The following SPSB4 variants were observed in gnomAD, a reference collection of about 807,000 sequenced individuals.
SPSB4 encodes the protein SPRY domain-containing SOCS box protein 4.
A neutral mutation model predicts 20.9 loss-of-function variants in SPSB4; 21 were observed. The observed-to-expected ratio is 1.01, with a 90% CI of 0.71 to 1.45. SPSB4 has a LOEUF of 1.45. Ranked by LOEUF, SPSB4 falls within the 40% of genes most tolerant of loss-of-function variation. SPSB4 has a pLI of 0.00. For synonymous variants in SPSB4, 207 were observed against 183.8 expected, an observed-to-expected ratio of 1.13 and a Z score of -1.02; for missense variants, 399 against 399.2, an observed-to-expected ratio of 1.00 and a Z score of 0.00.
rs1275565584 is a variant in SPSB4, at chr3:141,051,498, G to C, written c.-648G>C. The C allele has an allele frequency of 6.5e-6, 1 of 152,960 alleles. No individual in the cohort carries two copies. Among genetic ancestry groups the C allele is most frequent in the African/African-American group, 2.4e-5 (1 of 41,356 alleles). The allele number at this position is 152,960 out of a possible 1,614,324, so 9.5% of individuals were successfully genotyped here. On this transcript the variant is annotated 5_prime_UTR_variant, in exon 1 of 3. Coordinates refer to ENST00000310546, the MANE Select transcript of SPSB4 (RefSeq NM_080862.3). ...CGCACAAAAGCACCCAGCCCCAGGG[G>C]AGGGCGATGAACACACCACATCCCG...
intron 2 of SPSB4, among the ~76,000 whole-genome samples, chr3:141,137,889 G>T (rs1000838700): frequency 6.6e-6 from 1 of 152,074 alleles, no homozygotes; most frequent in Non-Finnish European, 1.5e-5. Context: ...CTATTGATTG[G>T]AATAGTTTCA....
intron 2 of SPSB4, among the ~76,000 whole-genome samples, chr3:141,093,360 T>C (rs1050179169): frequency 6.6e-6 from 1 of 151,522 alleles, no homozygotes; most frequent in Non-Finnish European, 1.5e-5. Context: ...ATCTGCAGAG[T>C]AGACCTTAGT....
At position 141,066,327 on chromosome 3, in the gene SPSB4, T is replaced by C; in HGVS notation, c.223T>C (p.Phe75Leu). The C allele has an allele frequency of 6.4e-7, 1 of 1,570,392 alleles. No homozygotes were observed. The highest frequency in any genetic ancestry group is 8.6e-7 in the Non-Finnish European group (1 of 1,159,774). Residue 75 changes from phenylalanine to leucine, a missense_variant, in exon 2 of 3, where the codon TTC becomes CTC. By Grantham distance (22) the Phe-to-Leu change is conservative. Coordinates refer to ENST00000310546, the MANE Select transcript of SPSB4 (RefSeq NM_080862.3). ...CGTCAAGGACGACGACCGGCTCACC[T>C]TCCACCGGCACCCCGTGGCCCAGAG... is the stretch of plus-strand genomic sequence containing the variant. ...VFVKDDDRLT[F>L]HRHPVAQSTD...
intron 2 of SPSB4, among the ~76,000 whole-genome samples, chr3:141,131,862 T>G (rs900662891): frequency 2.6e-5 from 4 of 152,202 alleles, no homozygotes; most frequent in African/African-American, 7.2e-5. Context: ...GATTCAGCAG[T>G]TTTAGTCAAT....
chr3:141,128,151 G>GT (rs1490890728), intron 2 of SPSB4, among the ~76,000 whole-genome samples: 1 of 152,194 alleles, frequency 6.6e-6, no homozygotes, highest in African/African-American at 2.4e-5. Context: ...GTGGAGTGTG[G>GT]TAAGTCATTG....
At chr3:141,104,287 G>A (rs1938654844) in intron 2 of SPSB4, among the ~76,000 whole-genome samples, 1 of 152,186 alleles carries the variant, frequency 6.6e-6, no homozygotes. Flanking sequence ...AGTGGCAGGA[G>A]CAAAGGCAAG....
chr3:141,123,838 G>A (rs1939009782), intron 2 of SPSB4, among the ~76,000 whole-genome samples: 1 of 152,190 alleles, frequency 6.6e-6, no homozygotes. Flanking sequence ...CTCTCCCCAT[G>A]TGACAAGGGC....
intron 2 of SPSB4, among the ~76,000 whole-genome samples, chr3:141,129,179 G>A (rs1939096660): frequency 2.0e-5 from 3 of 152,196 alleles, no homozygotes; most frequent in African/African-American, 7.2e-5. Context: ...AAGTGGAGGT[G>A]TCTTTCCCAC....
At chr3:141,128,539 C>A (rs1243506400) in intron 2 of SPSB4, among the ~76,000 whole-genome samples, 1 of 152,110 alleles carries the variant, frequency 6.6e-6, no homozygotes, top group African/African-American at 2.4e-5. Context: ...GGGCCCTGCC[C>A]TGCCTCCAGG....
chr3:141,142,353 A>T (rs1251892617), intron 2 of SPSB4, among the ~76,000 whole-genome samples: 1 of 152,174 alleles, frequency 6.6e-6, no homozygotes, highest in Non-Finnish European at 1.5e-5. Flanking sequence ...TATAGTTTTG[A>T]TGGTTCCTTT....
At chr3:141,120,392 G>A (rs1938948471) in intron 2 of SPSB4, among the ~76,000 whole-genome samples, 1 of 152,210 alleles carries the variant, frequency 6.6e-6, no homozygotes, top group South Asian at 2.1e-4. Context: ...TGTTTATTCT[G>A]TTGATTTGGG....
intron 2 of SPSB4, among the ~76,000 whole-genome samples, chr3:141,139,474 C>T (rs542867310): frequency 6.6e-6 from 1 of 152,294 alleles, no homozygotes; most frequent in East Asian, 1.9e-4. Flanking sequence ...TGGCTGGTAC[C>T]AGTTGTTCCT....
chr3:141,076,880 T>C (rs1938121223), intron 2 of SPSB4: 1 of 152,264 alleles, frequency 6.6e-6, no homozygotes. Flanking sequence ...GCATTCACTC[T>C]GAACTCTTCT....
rs1277299656 is a variant in SPSB4, at chr3:141,066,445, T to C, written c.341T>C (p.Val114Ala). ...WPARQRGTHA[V>A]VGVATARAPL... ...GCTCGGCAGCGCGGCACCCACGCTG[T>C]AGTTGGTGTGGCCACGGCCCGTGCT... is the stretch of plus-strand genomic sequence containing the variant. The change falls in exon 2 of 3, where the codon GTA becomes GCA. Residue 114 changes from valine (V) to alanine (A), a missense_variant. Transcript: ENST00000310546. The C allele has an allele frequency of 6.6e-7, 1 of 1,505,082 alleles. No homozygotes were observed. The highest frequency in any genetic ancestry group is 1.3e-5 in the South Asian group (1 of 77,122). The allele number at this position is 1,505,082 out of a possible 1,614,324, so 93.2% of individuals were successfully genotyped here. A position where few individuals can be genotyped will look rare whatever the true frequency, so the allele number is the denominator to read the frequency against.
At chr3:141,071,385 G>A (rs1038162208) in intron 2 of SPSB4, among the ~76,000 whole-genome samples, 1 of 152,164 alleles carries the variant, frequency 6.6e-6, no homozygotes, top group Non-Finnish European at 1.5e-5. Flanking sequence ...GAGACAAGAG[G>A]CCTTGGGGTC....
chr3:141,082,210 A>G (rs546097800), intron 2 of SPSB4, among the ~76,000 whole-genome samples: 87 of 152,280 alleles, frequency 5.7e-4, no homozygotes, highest in African/African-American at 2.0e-3. Flanking sequence ...GAGCCCCACC[A>G]CATGAAAACA....
intron 2 of SPSB4, among the ~76,000 whole-genome samples, chr3:141,119,918 G>A (rs1190491740): frequency 6.6e-6 from 1 of 151,914 alleles, no homozygotes; most frequent in East Asian, 1.9e-4. Flanking sequence ...ATCTCCTTCA[G>A]TTCTGCTCTG....
chr3:141,096,429 C>T (rs965066992), intron 2 of SPSB4, among the ~76,000 whole-genome samples: 1 of 152,194 alleles, frequency 6.6e-6, no homozygotes, highest in Non-Finnish European at 1.5e-5. Context: ...TCTCAGAGAA[C>T]TTGTGACTTT....
At chr3:141,139,716 G>T (rs1472603095) in intron 2 of SPSB4, among the ~76,000 whole-genome samples, 3 of 152,210 alleles carry the variant, frequency 2.0e-5, no homozygotes, top group African/African-American at 7.2e-5. Context: ...CTGTTAGTCT[G>T]ATGGGCTTCC....
Sources: allele counts gnomAD v4.1 joint callset (sites outside exome capture counted in the v4.1 genomes callset), GRCh38; gene constraint gnomAD v4.1.1; transcripts MANE v1.5; gene names NCBI Gene and HGNC (gene_info 2026-07-23, HGNC 2026-07-21).